TMOD2: variants seen among roughly 807,000 people sequenced by gnomAD.
TMOD2 encodes the protein tropomodulin 2, also known as tropomodulin-2.
A neutral mutation model predicts 39.9 loss-of-function variants in TMOD2; 22 were observed. That is an observed-to-expected ratio of 0.55 (90% CI 0.39 to 0.79). The LOEUF (loss-of-function observed/expected upper bound fraction) is 0.79. TMOD2 is among the 30% of genes least tolerant of loss of function. The probability of loss-of-function intolerance (pLI) is 0.00; values close to 1 mark genes in which losing one functional copy is unlikely to be tolerated. For missense variants in TMOD2, 386 were observed against 413.3 expected (o/e 0.93, Z 0.57); for synonymous variants, 123 against 146.1 (o/e 0.84, Z 1.14).
chr15:51,807,210 A>C (rs1047834611), intron 9 of TMOD2, among the ~76,000 whole-genome samples: 1 of 152,218 alleles, frequency 6.6e-6, no homozygotes, highest in African/African-American at 2.4e-5. Context: ...GTCAGTCAAT[A>C]GCAGGCTTCA....
At chr15:51,755,879 AAGG>A (rs1299169542) in intron 1 of TMOD2, among the ~76,000 whole-genome samples, 4 of 151,814 alleles carry the variant, frequency 2.6e-5, no homozygotes, top group Non-Finnish European at 5.9e-5. Context: ...AAGCAGAAGA[AAGG>A]AGGGCACATG....
In TMOD2 at chr15:51,781,045, T is replaced by G; in HGVS notation, c.495T>G (p.Asn165Lys). The G allele has an allele frequency of 6.3e-7, 1 of 1,590,330 alleles. No homozygotes were observed. Among genetic ancestry groups the G allele is most frequent in the Non-Finnish European group, 8.5e-7 (1 of 1,172,836 alleles). The change falls in exon 6 of 10, where the codon AAT (asparagine) becomes AAG (lysine). Residue 165 changes from asparagine (N) to lysine (K), a missense_variant and splice_region_variant. Physicochemically the swap from Asn to Lys is moderately conservative, Grantham distance 94. Coordinates refer to ENST00000249700, the MANE Select transcript of TMOD2 (RefSeq NM_014548.4). Reference protein sequence around the residue: ...NNKGGKGPVRNVVKGEKVKPV... With the variant: ...NNKGGKGPVRKVVKGEKVKPV... ...TTAAAATGAAAACTTGTGTTTTAGA[T>G]GTTGTCAAAGGTGAAAAAGTAAAGC...
At chr15:51,796,792 TGAG>T (rs1390266165) in intron 7 of TMOD2, among the ~76,000 whole-genome samples, 1 of 152,142 alleles carries the variant, frequency 6.6e-6, no homozygotes, top group Admixed American at 6.5e-5. Context: ...GCCTGTATGA[TGAG>T]ATGAAGTGAG....
intron 9 of TMOD2, among the ~76,000 whole-genome samples, chr15:51,806,789 G>C (rs889316339): frequency 6.6e-6 from 1 of 152,116 alleles, no homozygotes; most frequent in African/African-American, 2.4e-5. Context: ...TTGTGTATTT[G>C]TTTCTCTTTT....
intron 1 of TMOD2, among the ~76,000 whole-genome samples, chr15:51,764,881 A>G (rs2055806195): frequency 6.6e-6 from 1 of 152,080 alleles, no homozygotes; most frequent in African/African-American, 2.4e-5. Context: ...CCACTTACTC[A>G]GTGATTATTT....
chr15:51,786,198 G>A (rs181061406), intron 7 of TMOD2, among the ~76,000 whole-genome samples: 17 of 151,832 alleles, frequency 1.1e-4, no homozygotes, highest in Admixed American at 5.2e-4. Context: ...CTCACTCCCC[G>A]AATCCCCCCT....
chr15:51,774,183 A>C (rs1462806807), intron 4 of TMOD2, among the ~76,000 whole-genome samples: 1 of 152,236 alleles, frequency 6.6e-6, no homozygotes, highest in Non-Finnish European at 1.5e-5. Context: ...CAACATTTCT[A>C]TAAAGTTCTT....
chr15:51,772,229 AGAT>A (rs1010975235), intron 3 of TMOD2, among the ~76,000 whole-genome samples: 37 of 152,324 alleles, frequency 2.4e-4, no homozygotes, highest in African/African-American at 8.9e-4. Flanking sequence ...AACTGGAGTG[AGAT>A]GAGCCTTTAG....
At chr15:51,775,569 C>CTTTTTT (rs1567238913) in intron 4 of TMOD2, among the ~76,000 whole-genome samples, 1 of 130,108 alleles carries the variant, frequency 7.7e-6, no homozygotes, top group South Asian at 2.3e-4. Context: ...AATTCTTTTT[C>CTTTTTT]CTTTTTTTTT....
In TMOD2 at chr15:51,798,248, G is replaced by T. The variant is rs145372069; in HGVS notation, c.784G>T (p.Glu262Ter). 20 of 1,613,808 alleles carry T rather than the reference G, an allele frequency of 1.2e-5. No individual in the cohort carries two copies. The highest frequency in any genetic ancestry group is 1.7e-5 in the Non-Finnish European group (20 of 1,179,910). Residue 262 changes from glutamate (E) to a stop codon, truncating the protein, a stop_gained, in exon 8 of 10, where the codon GAA becomes TAA. Coordinates refer to ENST00000249700, the MANE Select transcript of TMOD2 (RefSeq NM_014548.4). LOFTEE classifies it high-confidence loss of function. Reference sequence around the variant, plus strand: ...CAAGACCTTGACAAGTCTAAACATAGAATCCAATTTTATCACTGGAACTGG... The same window carrying T: ...CAAGACCTTGACAAGTCTAAACATATAATCCAATTTTATCACTGGAACTGG... ...VNKTLTSLNI[E>*]SNFITGTGIL...
At chr15:51,791,195 T>TTTC (rs1567244093) in intron 7 of TMOD2, among the ~76,000 whole-genome samples, 1 of 152,094 alleles carries the variant, frequency 6.6e-6, no homozygotes, top group African/African-American at 2.4e-5. Flanking sequence ...ATCACAAACA[T>TTTC]TTCTATACAC....
chr15:51,768,140 G>A (rs1256931984), intron 2 of TMOD2, 122 bp from the exon 3 acceptor site: 18 of 1,148,776 alleles, frequency 1.6e-5, no homozygotes, highest in African/African-American at 1.1e-4. Flanking sequence ...CAGCTCACAC[G>A]CACATTCTGC....
intron 1 of TMOD2, among the ~76,000 whole-genome samples, chr15:51,754,061 G>C (rs1288669385): frequency 6.6e-6 from 1 of 151,676 alleles, no homozygotes; most frequent in Non-Finnish European, 1.5e-5. Context: ...TGGGGGGGAC[G>C]GGGGGTTGGT....
intron 2 of TMOD2, among the ~76,000 whole-genome samples, chr15:51,768,018 T>G (rs2055827382): frequency 6.6e-6 from 1 of 152,190 alleles, no homozygotes; most frequent in Admixed American, 6.5e-5. Context: ...CTTCAGAAAC[T>G]CAGAGGCTGC....
rs2056176592 is a variant in TMOD2, at chr15:51,814,540, T to C, written c.*6086T>C. 6.6e-6 allele frequency: 1 copy of C among 152,240 alleles called. No homozygotes were observed. Among genetic ancestry groups the C allele is most frequent in the Non-Finnish European group, 1.5e-5 (1 of 68,048 alleles). 9.4% of individuals were successfully genotyped at this position (152,240 alleles called of 1,614,324 possible). ...ATCTTGTAAGGTGCCTTGTACATAG[T>C]AGGTGCTTAATGAACAAATGTTGCT... is the stretch of plus-strand genomic sequence containing the variant. On this transcript the variant is annotated 3_prime_UTR_variant, in exon 10 of 10. Transcript: ENST00000249700.
chr15:51,759,394 T>C (rs2055763845), intron 1 of TMOD2, among the ~76,000 whole-genome samples: 1 of 152,120 alleles, frequency 6.6e-6, no homozygotes, highest in African/African-American at 2.4e-5. Context: ...TTTTGGAATC[T>C]CCTGGATATA....
At chr15:51,804,514 T>G (rs2056109272) in intron 8 of TMOD2, among the ~76,000 whole-genome samples, 1 of 152,136 alleles carries the variant, frequency 6.6e-6, no homozygotes, top group Non-Finnish European at 1.5e-5. Context: ...CTTGCATATT[T>G]TATATACATT....
At chr15:51,765,984 T>C (rs2055813871) in intron 1 of TMOD2, among the ~76,000 whole-genome samples, 1 of 152,208 alleles carries the variant, frequency 6.6e-6, no homozygotes, top group Non-Finnish European at 1.5e-5. Context: ...CCCCTGTTTT[T>C]CTATGGAGAG....
Position 51,768,460 on chromosome 15 carries a change from C to CTTTT in TMOD2, c.283+51_283+54dup, listed in dbSNP as rs61348403. 11,259 of 1,349,670 alleles carry CTTTT rather than the reference C, an allele frequency of 8.3e-3. 69 individuals are homozygous for CTTTT. Among genetic ancestry groups the CTTTT allele is most frequent in the East Asian group, 0.073 (2,779 of 37,964 alleles). 83.6% of individuals were successfully genotyped at this position (1,349,670 alleles called of 1,614,324 possible). ...GAGCATCTTGGAACAGAGGTTCTCT[C>CTTTT]TTTTTTTTTTTTGGAACGGAGGCAC... is the stretch of plus-strand genomic sequence containing the variant. On this transcript the variant is annotated intron_variant, in intron 3 of 9. Coordinates refer to ENST00000249700, the MANE Select transcript of TMOD2 (RefSeq NM_014548.4).
Sources: gnomAD v4.1 joint callset for allele counts (sites outside exome capture counted in the v4.1 genomes callset) on GRCh38, gnomAD v4.1.1 for gene constraint, MANE v1.5 for transcripts, NCBI Gene and HGNC (gene_info 2026-07-23, HGNC 2026-07-21) for gene names.